Variants in STK3 observed in about 807,000 individuals in gnomAD.
STK3 encodes the protein serine/threonine kinase 3.
A neutral mutation model predicts 58.0 loss-of-function variants in STK3; 41 were observed. The ratio of observed to expected loss-of-function variants is 0.71; its 90% CI spans 0.55 to 0.92. STK3 has a LOEUF of 0.92. Ranked by LOEUF, STK3 falls within the 40% of genes least tolerant of loss-of-function variation. STK3 has a pLI of 0.00. For synonymous variants in STK3, 170 were observed against 191.0 expected, an observed-to-expected ratio of 0.89 and a Z score of 0.91; for missense variants, 479 against 602.7, an observed-to-expected ratio of 0.79 and a Z score of 2.15.
chr8:98,592,469 T>A (rs1815397880), intron 7 of STK3, among the ~76,000 whole-genome samples: 1 of 152,202 alleles, frequency 6.6e-6, no homozygotes, highest in Non-Finnish European at 1.5e-5. Context: ...CTACATTGTA[T>A]TATAATTTTT....
At chr8:98,523,621 C>G (rs897563493) in intron 10 of STK3, among the ~76,000 whole-genome samples, 1 of 151,900 alleles carries the variant, frequency 6.6e-6, no homozygotes, top group African/African-American at 2.4e-5. Flanking sequence ...GTGATCCACC[C>G]GCCTCAGCCT....
chr8:98,645,029 A>T (rs536676939), intron 6 of STK3, among the ~76,000 whole-genome samples: 1 of 152,356 alleles, frequency 6.6e-6, no homozygotes, highest in Non-Finnish European at 1.5e-5. Context: ...TCTCATTTCC[A>T]ACATTTAAAC....
At chr8:98,662,894 A>C (rs1208364524) in intron 6 of STK3, among the ~76,000 whole-genome samples, 2 of 152,060 alleles carry the variant, frequency 1.3e-5, no homozygotes, top group Non-Finnish European at 2.9e-5. Context: ...TGGATTAAAG[A>C]CTTAAATGTT....
chr8:98,645,968 G>A (rs745549373), intron 6 of STK3, among the ~76,000 whole-genome samples: 4 of 152,054 alleles, frequency 2.6e-5, no homozygotes, highest in African/African-American at 7.2e-5. Context: ...ATGCCCAGTC[G>A]TGCTTCACCA....
At chr8:98,746,309 A>G (rs1829637484) in intron 4 of STK3, among the ~76,000 whole-genome samples, 1 of 152,228 alleles carries the variant, frequency 6.6e-6, no homozygotes, top group Non-Finnish European at 1.5e-5. Context: ...GACAAAAACA[A>G]TAAAAAACAA....
intron 1 of STK3, among the ~76,000 whole-genome samples, chr8:98,804,160 C>T (rs1411363983): frequency 6.6e-6 from 1 of 152,024 alleles, no homozygotes; most frequent in Non-Finnish European, 1.5e-5. Context: ...CACCACCACG[C>T]CTGGCTAATT....
intron 4 of STK3, among the ~76,000 whole-genome samples, chr8:98,712,633 G>T (rs1459237254): frequency 6.6e-6 from 1 of 151,928 alleles, no homozygotes; most frequent in Non-Finnish European, 1.5e-5. Context: ...GATTCATAAA[G>T]CAAGTCCTGA....
At chr8:98,746,316 A>G (rs1321969877) in intron 4 of STK3, among the ~76,000 whole-genome samples, 1 of 152,230 alleles carries the variant, frequency 6.6e-6, no homozygotes, top group African/African-American at 2.4e-5. Context: ...ACAATAAAAA[A>G]CAAGAGAAAC....
At chr8:98,360,275 G>A in the STK3 span, among the ~76,000 whole-genome samples, 4 of 152,050 alleles carry the variant, frequency 2.6e-5, no homozygotes, top group African/African-American at 7.3e-5. Flanking sequence ...TCTCTCCCAC[G>A]TTGCCCTGTG....
chr8:98,660,415 T>A (rs1185561971), intron 6 of STK3, among the ~76,000 whole-genome samples: 1 of 152,046 alleles, frequency 6.6e-6, no homozygotes, highest in East Asian at 1.9e-4. Flanking sequence ...TAAATTTTTT[T>A]AACCACAATT....
chr8:98,673,760 C>G (rs1822994415), intron 6 of STK3, among the ~76,000 whole-genome samples: 1 of 152,030 alleles, frequency 6.6e-6, no homozygotes, highest in Admixed American at 6.6e-5. Context: ...ATATGAAATT[C>G]ATCTCAATAA....
chr8:98,515,364 C>A (rs1244620067), intron 10 of STK3, among the ~76,000 whole-genome samples: 10 of 152,048 alleles, frequency 6.6e-5, no homozygotes, highest in Admixed American at 6.6e-4. Context: ...GACATGGTTG[C>A]CTTTAGGACC....
chr8:98,600,193 C>T (rs1816209069), intron 6 of STK3, among the ~76,000 whole-genome samples: 1 of 152,072 alleles, frequency 6.6e-6, no homozygotes, highest in Non-Finnish European at 1.5e-5. Context: ...AATGTGCCAG[C>T]CTGGAAACCA....
At chr8:98,608,546 T>C (rs1420016468) in intron 6 of STK3, among the ~76,000 whole-genome samples, 1 of 152,220 alleles carries the variant, frequency 6.6e-6, no homozygotes, top group Non-Finnish European at 1.5e-5. Context: ...ACAGATAAAA[T>C]TTGGTATATA....
chr8:98,356,906 C>T, the STK3 span, among the ~76,000 whole-genome samples: 209 of 152,240 alleles, frequency 1.4e-3, no homozygotes, highest in African/African-American at 3.7e-3. Context: ...GAACCCTGAG[C>T]GTGGTCGGTC....
chr8:98,537,834 A>G (rs1036678073), intron 9 of STK3, among the ~76,000 whole-genome samples: 1 of 152,178 alleles, frequency 6.6e-6, no homozygotes, highest in African/African-American at 2.4e-5. Context: ...AATTTTAAAG[A>G]AAAAGGTTGC....
intron 1 of STK3, among the ~76,000 whole-genome samples, chr8:98,888,238 G>A (rs1838064083): frequency 1.3e-5 from 2 of 152,184 alleles, no homozygotes; most frequent in Admixed American, 1.3e-4. Context: ...AGAATCGCTT[G>A]AACCTGGGAG....
At position 98,586,616 on chromosome 8, in the gene STK3, T is replaced by G. The variant is rs555462077; in HGVS notation, c.823-6827A>C. Among the ~76,000 whole-genome samples, 1,345 of 150,952 alleles carry G rather than the reference T, an allele frequency of 8.9e-3. 8 individuals carry two copies. Among genetic ancestry groups the G allele is most frequent in the Non-Finnish European group, 0.015 (1,036 of 67,604 alleles). On this transcript the variant is annotated intron_variant, in intron 7 of 10. Transcript: ENST00000419617. ...TCAGAATGATGCTGGCCTCATAAAATGAGTTAGGGAGGATTCCCTCTTTTT... is the reference window on the plus strand; with the variant it reads ...TCAGAATGATGCTGGCCTCATAAAAGGAGTTAGGGAGGATTCCCTCTTTTT...
chr8:98,700,898 GAGGCT>G (rs1825542976), intron 6 of STK3, among the ~76,000 whole-genome samples: 2 of 152,152 alleles, frequency 1.3e-5, no homozygotes, highest in South Asian at 4.1e-4. Context: ...AACTACTCAG[GAGGCT>G]GAGGCAGGAT....
Sources: gnomAD v4.1 joint callset for allele counts (sites outside exome capture counted in the v4.1 genomes callset) on GRCh38, gnomAD v4.1.1 for gene constraint, MANE v1.5 for transcripts, NCBI Gene and HGNC (gene_info 2026-07-23, HGNC 2026-07-21) for gene names.